STAU2: variants seen among roughly 807,000 people sequenced by gnomAD.
STAU2 encodes staufen double-stranded RNA binding protein 2.
Under a neutral mutation model 65.9 loss-of-function variants are expected in STAU2, and 20 were observed. That is an observed-to-expected ratio of 0.30 (90% CI 0.21 to 0.44). STAU2 has a LOEUF of 0.44. Among genes scored for constraint, STAU2 ranks in the 20% least tolerant of loss-of-function variants. The probability of loss-of-function intolerance (pLI) is 1.00; values close to 1 mark genes in which losing one functional copy is unlikely to be tolerated. For missense variants in STAU2, 558 were observed against 683.9 expected, an observed-to-expected ratio of 0.82 and a Z score of 2.05; for synonymous variants, 232 against 233.9, an observed-to-expected ratio of 0.99 and a Z score of 0.07.
intron 13 of STAU2, among the ~76,000 whole-genome samples, chr8:73,507,495 C>G (rs1355325941): frequency 2.6e-5 from 4 of 152,204 alleles, no homozygotes; most frequent in Non-Finnish European, 5.9e-5. Context: ...ATGCTGTAAA[C>G]AGATGAGCTG....
At chr8:73,510,367 G>T (rs1318726938) in intron 13 of STAU2, among the ~76,000 whole-genome samples, 6 of 152,144 alleles carry the variant, frequency 3.9e-5, no homozygotes, top group South Asian at 4.1e-4. Context: ...ACCGCGCCTG[G>T]CCAGAAAGTA....
intron 13 of STAU2, among the ~76,000 whole-genome samples, chr8:73,512,576 T>A (rs1201304987): frequency 2.0e-5 from 3 of 152,142 alleles, no homozygotes; most frequent in Non-Finnish European, 4.4e-5. Flanking sequence ...TACAACAAAT[T>A]TTTGTATATT....
rs191777249 is a variant in STAU2 at position 73,743,917 on chromosome 8, G to A, written c.-197+2866C>T. On this transcript the variant is annotated intron_variant, in intron 1 of 14. Transcript: ENST00000524300. ...CTCCCGAGTAGCTGGGATTACAGGC[G>A]CGCACCACCACACCCAGCTAATTTT... 7.3e-3 allele frequency among the ~76,000 whole-genome samples: 1,100 copies of A among 150,774 alleles called. 12 individuals are homozygous for A. The highest frequency in any genetic ancestry group is 0.012 in the Non-Finnish European group (796 of 67,800).
At chr8:73,593,767 C>A (rs530988205) in intron 11 of STAU2, among the ~76,000 whole-genome samples, 5 of 152,140 alleles carry the variant, frequency 3.3e-5, no homozygotes, top group African/African-American at 1.2e-4. Context: ...GAAATTTCAA[C>A]TCTTTCCTGA....
At chr8:73,614,249 T>C (rs1322767693) in intron 8 of STAU2, among the ~76,000 whole-genome samples, 2 of 152,158 alleles carry the variant, frequency 1.3e-5, no homozygotes. Context: ...GGAACACAAA[T>C]TTAAGAACAT....
At chr8:73,627,116 T>TC (rs1813700190) in intron 6 of STAU2, among the ~76,000 whole-genome samples, 1 of 150,376 alleles carries the variant, frequency 6.6e-6, no homozygotes, top group African/African-American at 2.5e-5. Flanking sequence ...GCCACTGTGT[T>TC]CCCCTGGGTG....
At chr8:73,541,027 T>C (rs535574350) in intron 13 of STAU2, among the ~76,000 whole-genome samples, 3 of 152,278 alleles carry the variant, frequency 2.0e-5, no homozygotes, top group Admixed American at 2.0e-4. Flanking sequence ...AAACTTCACA[T>C]GCACAAGGGA....
At chr8:73,569,531 C>T (rs1003895354) in intron 12 of STAU2, among the ~76,000 whole-genome samples, 8 of 152,040 alleles carry the variant, frequency 5.3e-5, no homozygotes, top group Non-Finnish European at 1.2e-4. Flanking sequence ...CCCTGACCCC[C>T]GAGAAGCCTA....
intron 12 of STAU2, among the ~76,000 whole-genome samples, chr8:73,582,287 C>T (rs576940118): frequency 1.3e-5 from 2 of 151,810 alleles, no homozygotes; most frequent in Admixed American, 6.6e-5. Flanking sequence ...GCAAAAAATG[C>T]TTAGGCAATG....
chr8:73,572,955 T>C (rs1809221318), intron 12 of STAU2, among the ~76,000 whole-genome samples: 1 of 152,182 alleles, frequency 6.6e-6, no homozygotes, highest in African/African-American at 2.4e-5. Context: ...AAAGAGGAAG[T>C]CAAATTGTCC....
chr8:73,617,502 TA>T (rs1812914315), intron 6 of STAU2, 51 bp from the exon 7 acceptor site: 1 of 1,513,584 alleles, frequency 6.6e-7, no homozygotes, highest in South Asian at 1.2e-5. Context: ...AACCACTCTA[TA>T]ATCATTCATA....
At chr8:73,637,653 G>C (rs557847090) in intron 6 of STAU2, among the ~76,000 whole-genome samples, 1 of 151,988 alleles carries the variant, frequency 6.6e-6, no homozygotes, top group South Asian at 2.1e-4. Context: ...AAATACTAAA[G>C]GGTGTTCAAA....
rs75419661 is a variant in STAU2 at position 73,442,536 on chromosome 8, C to G, written c.1531-19834G>C. On this transcript the variant is annotated intron_variant, in intron 13 of 14. Transcript: ENST00000524300. ...GTCACAAGTGGTCTCCCTTACCTAC[C>G]TCCACCCCTAAATGAGAAGAAATTT... 1.4e-4 allele frequency among the ~76,000 whole-genome samples: 21 copies of G among 152,184 alleles called. No homozygotes were observed. In the East Asian group the frequency reaches 3.7e-3, roughly 27 times the overall value.
Position 73,739,684 on chromosome 8 carries a change from G to A in STAU2, c.-84+72C>T, listed in dbSNP as rs528411398. 800 of 1,200,696 alleles carry A rather than the reference G, an allele frequency of 6.7e-4. 7 individuals are homozygous for A. Among genetic ancestry groups the A allele is most frequent in the Middle Eastern group, 1.5e-3 (5 of 3,344 alleles). The allele number at this position is 1,200,696 out of a possible 1,614,324, so 74.4% of individuals were successfully genotyped here. On this transcript the variant is annotated intron_variant, in intron 2 of 14. Transcript: ENST00000524300. Reference sequence around the variant, plus strand: ...TTACTGTCACATTTCCTATGAGAACGGGATGCTGTATAAAGAGCACACGGC... The same window carrying A: ...TTACTGTCACATTTCCTATGAGAACAGGATGCTGTATAAAGAGCACACGGC...
At position 73,510,680 on chromosome 8, in the gene STAU2, G is replaced by T. The variant is rs1178284060; in HGVS notation, c.1530+41332C>A. 2.6e-5 allele frequency among the ~76,000 whole-genome samples: 4 copies of T among 152,128 alleles called. No individual in the cohort carries two copies. In the East Asian group the frequency reaches 7.7e-4, roughly 29 times the overall value. On this transcript the variant is annotated intron_variant, in intron 13 of 14. Transcript: ENST00000524300. ...ACACATCCTTCTTCACATAGCAGCA[G>T]CAAGGAGAAGAATGAGTGCCCAGTG...
At chr8:73,438,917 C>T (rs1817913108) in intron 13 of STAU2, 1 of 456,298 alleles carries the variant, frequency 2.2e-6, no homozygotes, top group South Asian at 1.6e-5. Flanking sequence ...AAGCTGTCTT[C>T]CTTCCCGCTG....
chr8:73,682,173 C>A (rs1818478435), intron 5 of STAU2, among the ~76,000 whole-genome samples: 1 of 151,986 alleles, frequency 6.6e-6, no homozygotes, highest in South Asian at 2.1e-4. Flanking sequence ...CTGCAAAATG[C>A]ACATTGTATT....
At chr8:73,722,138 C>T (rs193089201) in intron 3 of STAU2, among the ~76,000 whole-genome samples, 455 of 152,264 alleles carry the variant, frequency 3.0e-3, no homozygotes, top group Non-Finnish European at 3.7e-3. Context: ...ATATTATCAC[C>T]TCACACAGAG....
chr8:73,706,870 G>C (rs1820537772), intron 4 of STAU2, among the ~76,000 whole-genome samples: 1 of 152,184 alleles, frequency 6.6e-6, no homozygotes, highest in African/African-American at 2.4e-5. Context: ...GTGAGACAAG[G>C]AGATAGATAA....
Sources: gnomAD v4.1 joint callset for allele counts (sites outside exome capture counted in the v4.1 genomes callset) on GRCh38, gnomAD v4.1.1 for gene constraint, MANE v1.5 for transcripts, NCBI Gene and HGNC (gene_info 2026-07-23, HGNC 2026-07-21) for gene names.